The following EFCAB8 variants were observed in gnomAD, a reference collection of about 807,000 sequenced individuals.
EFCAB8 encodes the protein EF-hand calcium binding domain 8, also known as EF-hand calcium-binding domain-containing protein 8.
A neutral mutation model predicts 116.3 loss-of-function variants in EFCAB8; 100 were observed. The ratio of observed to expected loss-of-function variants is 0.86; its 90% CI spans 0.73 to 1.02. The LOEUF (loss-of-function observed/expected upper bound fraction) is 1.02, where lower values mean the gene tolerates loss of function less well. Ranked by LOEUF, EFCAB8 falls within the 50% of genes least tolerant of loss-of-function variation. The pLI is 0.00. For missense variants in EFCAB8, 1,320 were observed against 1,416.9 expected, an observed-to-expected ratio of 0.93 and a Z score of 1.10; for synonymous variants, 558 against 567.9, an observed-to-expected ratio of 0.98 and a Z score of 0.25.
chr20:32,897,693 G>A (rs1986229435), intron 10 of EFCAB8, among the ~76,000 whole-genome samples: 1 of 152,124 alleles, frequency 6.6e-6, no homozygotes. Context: ...GTTTACAGGT[G>A]TGAGCCACTG....
intron 1 of EFCAB8, among the ~76,000 whole-genome samples, chr20:32,861,150 C>G (rs780299767): frequency 1.3e-5 from 2 of 152,132 alleles, no homozygotes; most frequent in African/African-American, 2.4e-5. Flanking sequence ...CTGATTTGTT[C>G]ATTTCTGTGT....
At chr20:32,919,738 A>G (rs754237800) in intron 19 of EFCAB8, among the ~76,000 whole-genome samples, 2 of 152,080 alleles carry the variant, frequency 1.3e-5, no homozygotes, top group Non-Finnish European at 2.9e-5. Flanking sequence ...GCCTGAAATT[A>G]TCTGCCCGCC....
chr20:32,863,945 C>T, intron 2 of EFCAB8, 111 bp downstream of exon 2: 2 of 1,229,004 alleles, frequency 1.6e-6, no homozygotes, highest in African/African-American at 1.5e-5. Flanking sequence ...GAGGGGGTTG[C>T]ATACTCAGAT....
At chr20:32,954,745 T>C (rs1436607601) in intron 23 of EFCAB8, among the ~76,000 whole-genome samples, 1 of 152,190 alleles carries the variant, frequency 6.6e-6, no homozygotes, top group East Asian at 1.9e-4. Flanking sequence ...AAAAAAATCA[T>C]AAATAGGTGT....
At chr20:32,935,295 G>A (rs1210796275) in intron 22 of EFCAB8, among the ~76,000 whole-genome samples, 1 of 143,500 alleles carries the variant, frequency 7.0e-6, no homozygotes, top group Non-Finnish European at 1.5e-5. Context: ...CCGCCTCCCG[G>A]GTTCAAGCAA....
At chr20:32,878,587 G>C (rs191003972) in intron 4 of EFCAB8, 117 bp from the exon 5 acceptor site, 1 of 653,776 alleles carries the variant, frequency 1.5e-6, no homozygotes, top group South Asian at 1.8e-5. Context: ...GCGCAATCTC[G>C]GCTCACTGCA....
intron 4 of EFCAB8, 32 bp from the exon 5 acceptor site, chr20:32,878,672 C>T (rs1374697750): frequency 2.0e-6 from 3 of 1,533,550 alleles, no homozygotes; most frequent in Admixed American, 2.0e-5. Flanking sequence ...TTTGCCAATA[C>T]CCTGCCTCCC....
At chr20:32,877,421 C>G (rs2146189526) in intron 4 of EFCAB8, among the ~76,000 whole-genome samples, 1 of 152,170 alleles carries the variant, frequency 6.6e-6, no homozygotes, top group East Asian at 1.9e-4. Context: ...GTTGGCCAGG[C>G]TGGCCTGGAA....
At chr20:32,934,076 T>C (rs1988014075) in intron 22 of EFCAB8, among the ~76,000 whole-genome samples, 1 of 150,980 alleles carries the variant, frequency 6.6e-6, no homozygotes, top group African/African-American at 2.4e-5. Flanking sequence ...ACTCCTGGGC[T>C]CAAGGAATCC....
chr20:32,947,170 G>A (rs1047001180), intron 23 of EFCAB8, among the ~76,000 whole-genome samples: 10 of 152,140 alleles, frequency 6.6e-5, no homozygotes, highest in Non-Finnish European at 1.2e-4. Flanking sequence ...GAAACTTTAT[G>A]AAAAATGACC....
chr20:32,859,287 A>G (rs765922700), intron 1 of EFCAB8, among the ~76,000 whole-genome samples: 1 of 152,168 alleles, frequency 6.6e-6, no homozygotes, highest in African/African-American at 2.4e-5. Flanking sequence ...TCAGCTCCGG[A>G]CAGGTCAACT....
At chr20:32,936,631 G>A (rs1038032824) in intron 22 of EFCAB8, among the ~76,000 whole-genome samples, 1 of 152,068 alleles carries the variant, frequency 6.6e-6, no homozygotes, top group Non-Finnish European at 1.5e-5. Flanking sequence ...TAGTGCATGG[G>A]TTTATTTCTG....
At chr20:32,960,796 G>A (rs1239684044) in intron 26 of EFCAB8, among the ~76,000 whole-genome samples, 3 of 152,256 alleles carry the variant, frequency 2.0e-5, no homozygotes, top group Non-Finnish European at 2.9e-5. Flanking sequence ...AGAGGCTGGT[G>A]TGAGATGGAT....
At chr20:32,935,960 CT>C (rs1299418074) in intron 22 of EFCAB8, among the ~76,000 whole-genome samples, 2 of 152,114 alleles carry the variant, frequency 1.3e-5, no homozygotes, top group Non-Finnish European at 2.9e-5. Context: ...TGTTTCCTTT[CT>C]GTCCAAAAGC....
chr20:32,958,376 G>A (rs1989038523), intron 23 of EFCAB8, 45 bp from the exon 24 acceptor site: 5 of 416,244 alleles, frequency 1.2e-5, no homozygotes, highest in Non-Finnish European at 2.2e-5. Context: ...GCATGGAGGA[G>A]GGGGTATGCC....
At position 32,889,350 on chromosome 20, in the gene EFCAB8, T is replaced by TGTG. The variant is rs1381412510; in HGVS notation, c.618_619insTGG (p.Met206_Val207insTrp). On this transcript the variant is annotated inframe_insertion, in exon 7 of 27. Transcript: ENST00000400522. The stretch of plus-strand genomic sequence containing the variant: ...AACCAGCCGATGTGGGTCATTGACA[T>TGTG]GGTATGTCTGCACAATATGAACCTC... 6.4e-7 allele frequency: 1 copy of TGTG among 1,551,814 alleles called. No homozygotes were observed. The highest frequency in any genetic ancestry group is 2.0e-5 in the Admixed American group (1 of 50,996).
chr20:32,923,185 T>TAAACAAAC (rs900954601), intron 20 of EFCAB8, among the ~76,000 whole-genome samples: 2 of 144,516 alleles, frequency 1.4e-5, no homozygotes, highest in African/African-American at 5.2e-5. Context: ...CCTTGTCTCT[T>TAAACAAAC]AAACAAACAA....
rs1360621618 is a variant in EFCAB8, at chr20:32,918,573, A to G, written c.2273A>G (p.Gln758Arg). Reference sequence around the variant, plus strand: ...GAGCCAGACAGGCCTGTGCCCCAGCAGGTGGGAGCGAGAGCCCAACCAGAA... The same window carrying G: ...GAGCCAGACAGGCCTGTGCCCCAGCGGGTGGGAGCGAGAGCCCAACCAGAA... ...DKEPDRPVPQ[Q>R]KPSSASGTSR... The change falls in exon 19 of 27, where the codon CAG becomes CGG. Residue 758 changes from glutamine (Q) to arginine (R), a missense_variant and splice_region_variant. Coordinates refer to ENST00000400522, the MANE Select transcript of EFCAB8 (RefSeq NM_001143967.2). 3.2e-5 allele frequency: 50 copies of G among 1,551,332 alleles called. No individual in the cohort carries two copies. The highest frequency in any genetic ancestry group is 4.1e-5 in the Non-Finnish European group (47 of 1,146,930).
In EFCAB8 at chr20:32,906,893, A is replaced by G. The variant is rs1275669142; in HGVS notation, c.1207A>G (p.Lys403Glu). The stretch of plus-strand genomic sequence containing the variant: ...CCGCCTGTGGAACCCCTTTGTCTCA[A>G]AGAGGCCCGTGTGGCTGATGAAGGG... ...FIRLWNPFVSKRPVWLMKGHQ... is the reference protein window; with the variant it reads ...FIRLWNPFVSERPVWLMKGHQ... The change falls in exon 13 of 27, where the codon AAG becomes GAG. Residue 403 changes from lysine (K) to glutamate (E), a missense_variant. Coordinates refer to ENST00000400522, the MANE Select transcript of EFCAB8 (RefSeq NM_001143967.2). 9 of 1,551,210 alleles carry G rather than the reference A, an allele frequency of 5.8e-6. No individual in the cohort carries two copies. The highest frequency in any genetic ancestry group is 1.4e-5 in the African/African-American group (1 of 73,022).
Sources: allele counts gnomAD v4.1 joint callset (sites outside exome capture counted in the v4.1 genomes callset), GRCh38; gene constraint gnomAD v4.1.1; transcripts MANE v1.5; gene names NCBI Gene and HGNC (gene_info 2026-07-23, HGNC 2026-07-21).